Variants in QPCT observed in about 807,000 individuals in gnomAD.
QPCT encodes the protein EC.
In QPCT, 44 loss-of-function variants were observed where a neutral mutation model predicts 43.4. The observed-to-expected ratio is 1.01, with a 90% CI of 0.80 to 1.30. The LOEUF is 1.30. QPCT is among the 50% of genes most tolerant of loss of function. QPCT has a pLI of 0.00. For missense variants in QPCT, 526 were observed against 436.5 expected, an observed-to-expected ratio of 1.21 and a Z score of -1.83; for synonymous variants, 168 against 168.4, an observed-to-expected ratio of 1.00 and a Z score of 0.02.
chr2:37,363,459 C>CAAAA (rs760030748), intron 3 of QPCT, among the ~76,000 whole-genome samples: 1,240 of 47,766 alleles, frequency 0.026, 48 homozygotes, highest in African/African-American at 0.07. Flanking sequence ...TCCCTCTCTA[C>CAAAA]AAAAAAAAAA....
At chr2:37,369,209 T>C (rs745836114) in intron 4 of QPCT, among the ~76,000 whole-genome samples, 3 of 152,202 alleles carry the variant, frequency 2.0e-5, no homozygotes, top group Non-Finnish European at 4.4e-5. Context: ...CAATGTTATA[T>C]AGCTCCTGTA....
Position 37,347,181 on chromosome 2 carries a change from C to CAT in QPCT, c.120+2340_120+2341dup, listed in dbSNP as rs1183593319. 5.0e-3 allele frequency among the ~76,000 whole-genome samples: 182 copies of CAT among 36,742 alleles called. 11 individuals are homozygous for CAT. The East Asian group carries it at 0.096, about 19-fold the overall frequency. 24.1% of individuals were successfully genotyped at this position (36,742 alleles called of 152,430 possible). A position where few individuals can be genotyped will look rare whatever the true frequency, so the allele number is the denominator to read the frequency against. ...ATATATATAACATATATATATATAA[C>CAT]ATATATATATAACATATATATATAA... On this transcript the variant is annotated intron_variant, in intron 1 of 6. Transcript: ENST00000338415.
At chr2:37,355,998 G>A (rs1345532740) in intron 2 of QPCT, among the ~76,000 whole-genome samples, 1 of 152,054 alleles carries the variant, frequency 6.6e-6, no homozygotes, top group African/African-American at 2.4e-5. Flanking sequence ...GAGTAAAGAG[G>A]TACCCGAGTC....
intron 3 of QPCT, among the ~76,000 whole-genome samples, chr2:37,364,173 AG>A (rs1310299426): frequency 2.9e-4 from 44 of 152,352 alleles, no homozygotes; most frequent in South Asian, 1.0e-3. Flanking sequence ...ACATTTTCAG[AG>A]GTAAATCTCA....
chr2:37,349,647 A>G (rs796302514), intron 1 of QPCT, among the ~76,000 whole-genome samples: 1 of 152,172 alleles, frequency 6.6e-6, no homozygotes, highest in African/African-American at 2.4e-5. Context: ...TGGTTGTCAT[A>G]GTGACTGCTT....
intron 4 of QPCT, among the ~76,000 whole-genome samples, chr2:37,369,125 C>A (rs925546456): frequency 2.2e-4 from 34 of 152,062 alleles, no homozygotes; most frequent in Non-Finnish European, 1.8e-4. Flanking sequence ...AGAGCTATAA[C>A]CAGAAGGAAA....
intron 4 of QPCT, chr2:37,368,717 T>A (rs1553386653): frequency 8.5e-6 from 4 of 470,812 alleles, no homozygotes; most frequent in Middle Eastern, 3.2e-4. Flanking sequence ...CAGAACATAT[T>A]CACAAGAGGA....
rs181536451 is a variant in QPCT, at chr2:37,366,240, C to T, written c.547-992C>T. Among the ~76,000 whole-genome samples the T allele has an allele frequency of 3.7e-3, 569 of 152,266 alleles. 2 individuals carry two copies. Among genetic ancestry groups the T allele is most frequent in the Middle Eastern group, 0.01 (3 of 294 alleles). On this transcript the variant is annotated intron_variant, in intron 3 of 6. Transcript: ENST00000338415. The stretch of plus-strand genomic sequence containing the variant: ...CTGAAAGACAGGGGTTATTGTCAGA[C>T]GGAGGAAAGTGTAAAATCAGTTAGA...
At chr2:37,363,659 TAAA>T (rs58100358) in intron 3 of QPCT, among the ~76,000 whole-genome samples, 1,792 of 79,456 alleles carry the variant, frequency 0.023, 23 homozygotes, top group African/African-American at 0.049. Context: ...TTTTAAAATG[TAAA>T]AAAAAAAAAA....
intron 2 of QPCT, among the ~76,000 whole-genome samples, chr2:37,354,009 C>T (rs1447482932): frequency 6.6e-6 from 1 of 152,222 alleles, no homozygotes; most frequent in Non-Finnish European, 1.5e-5. Context: ...GGACTACAGG[C>T]GCACGCCACC....
intron 5 of QPCT, among the ~76,000 whole-genome samples, chr2:37,370,791 A>G (rs1472129596): frequency 6.6e-6 from 1 of 152,186 alleles, no homozygotes. Context: ...AAGGAGAATA[A>G]CTTTGTACTA....
At chr2:37,366,495 C>A (rs970071027) in intron 3 of QPCT, among the ~76,000 whole-genome samples, 8 of 152,298 alleles carry the variant, frequency 5.3e-5, no homozygotes, top group Admixed American at 4.6e-4. Flanking sequence ...TTCTTCGTGT[C>A]TGTAGCATTC....
At position 37,349,362 on chromosome 2, in the gene QPCT, T is replaced by C. The variant is rs79493640; in HGVS notation, c.121-3427T>C. On this transcript the variant is annotated intron_variant, in intron 1 of 6. Transcript: ENST00000338415. ...CTTTAGTCATCCATTAAGCATTTTT[T>C]GGTGCTATTTGCCAATTAGGTTTCA... 4.0e-3 allele frequency among the ~76,000 whole-genome samples: 607 copies of C among 152,372 alleles called. 3 individuals carry two copies. The highest frequency in any genetic ancestry group is 0.014 in the African/African-American group (589 of 41,588).
At chr2:37,366,176 G>A (rs1200275177) in intron 3 of QPCT, among the ~76,000 whole-genome samples, 2 of 152,160 alleles carry the variant, frequency 1.3e-5, no homozygotes, top group Non-Finnish European at 2.9e-5. Context: ...GGTTCCAGTG[G>A]GATTGAAGGA....
intron 1 of QPCT, among the ~76,000 whole-genome samples, 159 bp from the exon 2 acceptor site, chr2:37,352,630 C>A (rs1040051587): frequency 1.1e-4 from 16 of 152,212 alleles, no homozygotes; most frequent in African/African-American, 3.9e-4. Context: ...CCGTGCCCAG[C>A]CCTAACAGCC....
intron 5 of QPCT, among the ~76,000 whole-genome samples, chr2:37,371,431 C>CAAAAAAAAAAAAAAAA (rs3050580): frequency 2.9e-5 from 2 of 69,380 alleles, no homozygotes; most frequent in Admixed American, 1.9e-4. Context: ...GACTCCATCT[C>CAAAAAAAAAAAAAAAA]AAAAAAAAAA....
chr2:37,369,099 C>T (rs1032663663), intron 4 of QPCT, among the ~76,000 whole-genome samples: 1 of 151,922 alleles, frequency 6.6e-6, no homozygotes, highest in African/African-American at 2.4e-5. Context: ...AGAGAGTCCT[C>T]GTGATGAGAT....
intron 3 of QPCT, among the ~76,000 whole-genome samples, chr2:37,366,511 G>A (rs749192114): frequency 1.3e-5 from 2 of 152,188 alleles, no homozygotes; most frequent in Non-Finnish European, 2.9e-5. Context: ...CATTCCTAGG[G>A]CAGACTCTTG....
Position 37,359,553 on chromosome 2 carries a change from A to C in QPCT, c.268-27A>C, listed in dbSNP as rs570178654. 7 of 1,579,686 alleles carry C rather than the reference A, an allele frequency of 4.4e-6. No individual in the cohort carries two copies. The East Asian group carries it at 1.4e-4, about 30-fold the overall frequency. On this transcript the variant is annotated intron_variant, in intron 2 of 6. Transcript: ENST00000338415. ...AATGAAAGCCATTTCTTTAGATCTA[A>C]ATTTTTTGTTTTTTTGTTTTGATCA... is the stretch of plus-strand genomic sequence containing the variant.
Sources: gnomAD v4.1 joint callset for allele counts (sites outside exome capture counted in the v4.1 genomes callset) on GRCh38, gnomAD v4.1.1 for gene constraint, MANE v1.5 for transcripts, NCBI Gene and HGNC (gene_info 2026-07-23, HGNC 2026-07-21) for gene names.